DLGAP2: variants seen among roughly 807,000 people sequenced by gnomAD.
DLGAP2 encodes DLG associated protein 2.
In DLGAP2, 26 loss-of-function variants were observed where a neutral mutation model predicts 100.3. That is an observed-to-expected ratio of 0.26 (90% CI 0.19 to 0.36). DLGAP2 has a LOEUF of 0.36. Ranked by LOEUF, DLGAP2 falls within the 10% of genes least tolerant of loss-of-function variation. The probability of loss-of-function intolerance (pLI) is 1.00; values close to 1 mark genes in which losing one functional copy is unlikely to be tolerated. For missense variants in DLGAP2, 1,858 were observed against 1,453.2 expected (o/e 1.28, Z -4.53); for synonymous variants, 886 against 630.1 (o/e 1.41, Z -6.08).
At chr8:1,416,236 C>T (rs773632644) in intron 3 of DLGAP2, among the ~76,000 whole-genome samples, 5 of 152,114 alleles carry the variant, frequency 3.3e-5, no homozygotes, top group African/African-American at 4.8e-5. Context: ...ATGATTCCAG[C>T]GTCCATACAG....
chr8:937,163 G>A lies in DLGAP2; in HGVS notation c.73+29197G>A, dbSNP rs185961066. ...CTCAAGTCTCCCTCGCTCGCCTGAC[G>A]AGGTGCTGCCTGTCTTGCTGTTGTA... On this transcript the variant is annotated intron_variant, in intron 2 of 14. Transcript: ENST00000637795. Among the ~76,000 whole-genome samples, 8 of 152,260 alleles carry A rather than the reference G, an allele frequency of 5.3e-5. No individual in the cohort carries two copies. In the South Asian group the frequency reaches 1.2e-3, roughly 24 times the overall value.
intron 12 of DLGAP2, among the ~76,000 whole-genome samples, chr8:1,690,159 C>A (rs1474621871): frequency 1.3e-5 from 2 of 152,092 alleles, no homozygotes. Context: ...AGTTCGAGAC[C>A]AGCCTGGCCA....
chr8:868,299 T>C (rs1362986951), intron 1 of DLGAP2, among the ~76,000 whole-genome samples: 1 of 152,150 alleles, frequency 6.6e-6, no homozygotes, highest in African/African-American at 2.4e-5. Flanking sequence ...TGTGTCTCGT[T>C]GTTAGTGTTG....
chr8:1,194,167 A>G (rs76078143), intron 2 of DLGAP2, among the ~76,000 whole-genome samples: 4,285 of 152,116 alleles, frequency 0.028, 244 homozygotes, highest in African/African-American at 0.098. Flanking sequence ...GGGCGGGGGA[A>G]TTTTAAAGAA....
At chr8:911,469 TGTTGGAAGGATGCTGGAGAAC>T (rs1277158830) in intron 2 of DLGAP2, among the ~76,000 whole-genome samples, 1 of 151,934 alleles carries the variant, frequency 6.6e-6, no homozygotes, top group Non-Finnish European at 1.5e-5. Context: ...TGCTGGAGAA[TGTTGGAAGGATGCTGGAGAAC>T]GTTGGAAGGA....
At chr8:1,353,577 A>G (rs1028202803) in intron 3 of DLGAP2, among the ~76,000 whole-genome samples, 2 of 152,194 alleles carry the variant, frequency 1.3e-5, no homozygotes, top group South Asian at 2.1e-4. Flanking sequence ...TTGACTTACA[A>G]TGCTTTCCAT....
At chr8:1,024,783 C>T (rs1360105766) in intron 2 of DLGAP2, among the ~76,000 whole-genome samples, 2 of 152,160 alleles carry the variant, frequency 1.3e-5, no homozygotes, top group East Asian at 1.9e-4. Context: ...TATGGAGCCT[C>T]CTGTGGGACA....
chr8:1,533,330 C>T (rs796121365), intron 4 of DLGAP2, among the ~76,000 whole-genome samples: 32 of 151,950 alleles, frequency 2.1e-4, no homozygotes, highest in African/African-American at 7.7e-4. Context: ...AACCCCGTCT[C>T]TACTAAAAAT....
At chr8:1,387,471 C>T (rs903908046) in intron 3 of DLGAP2, among the ~76,000 whole-genome samples, 8 of 152,040 alleles carry the variant, frequency 5.3e-5, no homozygotes, top group African/African-American at 1.2e-4. Flanking sequence ...GTCTGGTGCA[C>T]GGGGGCTGAG....
At chr8:936,385 A>G (rs1470871261) in intron 2 of DLGAP2, among the ~76,000 whole-genome samples, 1 of 152,106 alleles carries the variant, frequency 6.6e-6, no homozygotes, top group African/African-American at 2.4e-5. Context: ...GTTGAGTAGG[A>G]CCTCTGATTG....
chr8:1,515,676 G>T (rs1347791065), intron 4 of DLGAP2, among the ~76,000 whole-genome samples: 4 of 151,922 alleles, frequency 2.6e-5, no homozygotes, highest in Non-Finnish European at 4.4e-5. Flanking sequence ...TACACATGTT[G>T]ACACACACAA....
At chr8:1,517,390 G>C (rs1204097351) in intron 4 of DLGAP2, among the ~76,000 whole-genome samples, 2 of 152,208 alleles carry the variant, frequency 1.3e-5, no homozygotes, top group South Asian at 2.1e-4. Flanking sequence ...GCCGTGGTGA[G>C]GGGCACCCCT....
intron 2 of DLGAP2, among the ~76,000 whole-genome samples, chr8:1,077,167 G>C (rs1182045522): frequency 6.6e-6 from 1 of 152,224 alleles, no homozygotes; most frequent in African/African-American, 2.4e-5. Context: ...ATGTGTGTCT[G>C]TCCTCCGGTT....
intron 2 of DLGAP2, among the ~76,000 whole-genome samples, chr8:1,205,173 C>G (rs978821265): frequency 6.6e-6 from 1 of 152,154 alleles, no homozygotes; most frequent in African/African-American, 2.4e-5. Flanking sequence ...TTTTTCCTCT[C>G]CTAAGAGAAA....
intron 2 of DLGAP2, among the ~76,000 whole-genome samples, chr8:1,157,721 A>G (rs1796817672): frequency 6.6e-6 from 1 of 152,222 alleles, no homozygotes; most frequent in Non-Finnish European, 1.5e-5. Flanking sequence ...ACATGGCACC[A>G]TGACAAGAGA....
At chr8:1,254,809 G>A (rs879615492) in intron 2 of DLGAP2, among the ~76,000 whole-genome samples, 3 of 149,460 alleles carry the variant, frequency 2.0e-5, no homozygotes, top group Admixed American at 2.0e-4. Context: ...GCAGTTCACT[G>A]CGCTCCCACA....
intron 3 of DLGAP2, among the ~76,000 whole-genome samples, chr8:1,460,709 C>G (rs150890692): frequency 3.0e-3 from 461 of 152,246 alleles, no homozygotes; most frequent in African/African-American, 1.0e-2. Flanking sequence ...AGAGATAACT[C>G]ATAATTTGTT....
At chr8:1,262,489 G>A (rs369149517) in intron 3 of DLGAP2, 1 of 152,062 alleles carries the variant, frequency 6.6e-6, no homozygotes, top group East Asian at 1.9e-4. Flanking sequence ...AGTTAACGAG[G>A]GTCTGGATGC....
chr8:1,112,522 G>A (rs1179726934), intron 2 of DLGAP2, among the ~76,000 whole-genome samples: 1 of 152,110 alleles, frequency 6.6e-6, no homozygotes, highest in Non-Finnish European at 1.5e-5. Context: ...TTGCAGGCGT[G>A]AGCCACCGCG....
Sources: allele counts gnomAD v4.1 joint callset (sites outside exome capture counted in the v4.1 genomes callset), GRCh38; gene constraint gnomAD v4.1.1; transcripts MANE v1.5; gene names NCBI Gene and HGNC (gene_info 2026-07-23, HGNC 2026-07-21).